MSI2: variants seen among roughly 807,000 people sequenced by gnomAD.
MSI2 encodes the protein musashi RNA binding protein 2.
In MSI2, 17 loss-of-function variants were observed where a neutral mutation model predicts 45.6. The observed-to-expected ratio is 0.37, with a 90% CI of 0.26 to 0.56. MSI2 has a LOEUF of 0.56. MSI2 is among the 20% of genes least tolerant of loss of function. The pLI, the probability that MSI2 is intolerant of heterozygous loss-of-function variation, is 0.77. For missense variants in MSI2, 293 were observed against 444.2 expected (o/e 0.66, Z 3.06); for synonymous variants, 156 against 158.2 (o/e 0.99, Z 0.11).
At chr17:57,346,083 T>C (rs1915571261) in intron 5 of MSI2, among the ~76,000 whole-genome samples, 1 of 152,234 alleles carries the variant, frequency 6.6e-6, no homozygotes, top group Admixed American at 6.5e-5. Context: ...TATTTATCAC[T>C]TCTGTGATTT....
chr17:57,307,098 T>C (rs1286032981), intron 5 of MSI2, among the ~76,000 whole-genome samples: 1 of 152,218 alleles, frequency 6.6e-6, no homozygotes, highest in Non-Finnish European at 1.5e-5. Flanking sequence ...ATTTCCTAAA[T>C]CCTTAGGAGT....
At chr17:57,350,838 T>C (rs544487898) in intron 5 of MSI2, among the ~76,000 whole-genome samples, 28 of 152,182 alleles carry the variant, frequency 1.8e-4, no homozygotes, top group African/African-American at 6.7e-4. Context: ...AGGGTCTCTG[T>C]AGGAAACAGA....
At chr17:57,450,283 GAAAGAAA>G (rs61020181) in intron 6 of MSI2, 47,169 of 131,542 alleles carry the variant, frequency 0.36, 9,649 homozygotes, top group South Asian at 0.48. Flanking sequence ...AAGAAAGAAA[GAAAGAAA>G]GAAAGAAAGA....
intron 5 of MSI2, among the ~76,000 whole-genome samples, chr17:57,357,949 A>G (rs57143877): frequency 0.025 from 3,762 of 152,034 alleles, 168 homozygotes; most frequent in African/African-American, 0.087. Context: ...GTACAGCCCC[A>G]TCTCCTTTCT....
chr17:57,700,833 C>T, the MSI2 span, among the ~76,000 whole-genome samples: 7 of 150,840 alleles, frequency 4.6e-5, no homozygotes, highest in South Asian at 2.1e-4. Context: ...ACTCGAGAGG[C>T]GGGGGTTGCA....
chr17:57,288,412 G>T (rs753709827), intron 5 of MSI2, among the ~76,000 whole-genome samples: 5 of 152,300 alleles, frequency 3.3e-5, no homozygotes, highest in Non-Finnish European at 7.3e-5. Flanking sequence ...GCCCTGAAAG[G>T]TTAGTTGTAC....
chr17:57,284,845 G>A (rs980929012), intron 5 of MSI2, among the ~76,000 whole-genome samples: 2 of 151,892 alleles, frequency 1.3e-5, no homozygotes, highest in Non-Finnish European at 2.9e-5. Context: ...GATGGGAGAA[G>A]CTCAAGTTGG....
At chr17:57,379,920 T>C (rs1340889735) in intron 5 of MSI2, among the ~76,000 whole-genome samples, 1 of 152,142 alleles carries the variant, frequency 6.6e-6, no homozygotes, top group Non-Finnish European at 1.5e-5. Context: ...ACTTTAGAAA[T>C]CCTTTCTTTT....
At chr17:57,301,579 A>G (rs1911424347) in intron 5 of MSI2, among the ~76,000 whole-genome samples, 1 of 152,320 alleles carries the variant, frequency 6.6e-6, no homozygotes, top group Non-Finnish European at 1.5e-5. Flanking sequence ...CCCTTGTATT[A>G]GAATACTTTT....
intron 5 of MSI2, among the ~76,000 whole-genome samples, chr17:57,301,154 C>T: frequency 6.6e-6 from 1 of 152,140 alleles, no homozygotes; most frequent in Non-Finnish European, 1.5e-5. Flanking sequence ...GGTGTGGATA[C>T]AGGGATTTTT....
At chr17:57,689,116 A>G (rs1238944582), downstream of MSI2, among the ~76,000 whole-genome samples, 1 of 152,174 alleles carries the variant, frequency 6.6e-6, no homozygotes, top group Non-Finnish European at 1.5e-5. Flanking sequence ...CTGTCTAAAA[A>G]AGGGAATACA....
At chr17:57,295,520 G>T (rs1294942040) in intron 5 of MSI2, among the ~76,000 whole-genome samples, 3 of 152,148 alleles carry the variant, frequency 2.0e-5, no homozygotes, top group Admixed American at 1.3e-4. Context: ...GGTGCGGTAG[G>T]TTGAGAAATA....
chr17:57,695,420 T>A, the MSI2 span, among the ~76,000 whole-genome samples: 1 of 152,158 alleles, frequency 6.6e-6, no homozygotes, highest in Non-Finnish European at 1.5e-5. Flanking sequence ...GGGGGAGCTG[T>A]GCTACAGGGA....
intron 8 of MSI2, among the ~76,000 whole-genome samples, chr17:57,615,120 A>G (rs143744818): frequency 0.013 from 1,839 of 138,168 alleles, 40 homozygotes; most frequent in African/African-American, 0.045. Flanking sequence ...CATGTTGCAC[A>G]AGAATTTTTT....
rs1598035232 is a variant in MSI2 at position 57,258,181 on chromosome 17, T to C, written c.186-89T>C. On this transcript the variant is annotated intron_variant, in intron 3 of 13. Coordinates refer to ENST00000284073, the MANE Select transcript of MSI2 (RefSeq NM_138962.4). The stretch of plus-strand genomic sequence containing the variant: ...GGGGTGCGTGGGGGGCAACTTTTGC[T>C]CCTCATTCAGCCTTAGGTCTCACTC... The C allele has an allele frequency of 4.3e-6, 5 of 1,157,700 alleles. No homozygotes were observed. In the East Asian group the frequency reaches 9.4e-5, roughly 22 times the overall value. 71.7% of individuals were successfully genotyped at this position (1,157,700 alleles called of 1,614,324 possible). A position where few individuals can be genotyped will look rare whatever the true frequency, so the allele number is the denominator to read the frequency against.
intron 5 of MSI2, among the ~76,000 whole-genome samples, chr17:57,325,219 G>A (rs1202205052): frequency 1.3e-5 from 2 of 152,182 alleles, no homozygotes; most frequent in South Asian, 4.1e-4. Context: ...AAGTGACTCA[G>A]GAATGGAAAA....
intron 10 of MSI2, among the ~76,000 whole-genome samples, chr17:57,642,357 C>G (rs1485988483): frequency 1.3e-5 from 2 of 152,242 alleles, no homozygotes; most frequent in Non-Finnish European, 2.9e-5. Flanking sequence ...GCACTCCCAT[C>G]TCTGAGGACT....
intron 6 of MSI2, among the ~76,000 whole-genome samples, chr17:57,445,598 G>T (rs952080707): frequency 6.6e-6 from 1 of 151,970 alleles, no homozygotes; most frequent in South Asian, 2.1e-4. Context: ...AGGTTTAATT[G>T]TATAAAGATT....
intron 5 of MSI2, among the ~76,000 whole-genome samples, chr17:57,361,861 C>T (rs1916835620): frequency 6.6e-6 from 1 of 152,202 alleles, no homozygotes; most frequent in Admixed American, 6.5e-5. Flanking sequence ...AAAATTGGAA[C>T]ACATGCCCTA....
Sources: allele counts gnomAD v4.1 joint callset (sites outside exome capture counted in the v4.1 genomes callset), GRCh38; gene constraint gnomAD v4.1.1; transcripts MANE v1.5; gene names NCBI Gene and HGNC (gene_info 2026-07-23, HGNC 2026-07-21).